The following ERBB4 variants were observed in gnomAD, a reference collection of about 807,000 sequenced individuals.
The protein encoded by ERBB4 is erb-b2 receptor tyrosine kinase 4, also known as receptor tyrosine-protein kinase erbB-4.
ERBB4 carries 42 observed loss-of-function variants against 158.0 expected under a neutral mutation model. That is an observed-to-expected ratio of 0.27 (90% confidence interval 0.21 to 0.34). ERBB4 has a LOEUF of 0.34. Ranked by LOEUF, ERBB4 falls within the 10% of genes least tolerant of loss-of-function variation. The pLI is 1.00. For synonymous variants in ERBB4, 583 were observed against 558.7 expected (o/e 1.04, Z -0.61); for missense variants, 1,333 against 1,624.1 (o/e 0.82, Z 3.08).
intron 2 of ERBB4, among the ~76,000 whole-genome samples, chr2:212,121,662 T>C (rs1184226474): frequency 9.2e-5 from 14 of 152,324 alleles, no homozygotes; most frequent in Non-Finnish European, 2.9e-5. Flanking sequence ...CAGTGGAGTA[T>C]TCTATTTCAC....
chr2:211,920,576 T>A (rs1347888), intron 3 of ERBB4, among the ~76,000 whole-genome samples: 152,101 of 152,134 alleles, frequency 1, 76,034 homozygotes, highest in Middle Eastern at 1. Flanking sequence ...CTTGACAAGA[T>A]TACTGCAAGA....
At chr2:211,999,700 A>G (rs1575494652) in intron 2 of ERBB4, among the ~76,000 whole-genome samples, 1 of 151,778 alleles carries the variant, frequency 6.6e-6, no homozygotes, top group South Asian at 2.1e-4. Context: ...TACAAATGGG[A>G]CATCTTGCTT....
intron 16 of ERBB4, among the ~76,000 whole-genome samples, chr2:211,641,243 G>A (rs2070574767): frequency 6.6e-6 from 1 of 151,918 alleles, no homozygotes; most frequent in Non-Finnish European, 1.5e-5. Context: ...GTGGCTAAAG[G>A]GGCTTTATTT....
chr2:212,006,383 T>C (rs953512136), intron 2 of ERBB4, among the ~76,000 whole-genome samples: 1 of 152,186 alleles, frequency 6.6e-6, no homozygotes, highest in East Asian at 1.9e-4. Flanking sequence ...TAAATTAAGG[T>C]TCACCTCAAC....
chr2:211,699,872 A>C (rs900969408), intron 12 of ERBB4, among the ~76,000 whole-genome samples: 1 of 152,126 alleles, frequency 6.6e-6, no homozygotes, highest in African/African-American at 2.4e-5. Flanking sequence ...ACATTATATA[A>C]TTTATTGAAA....
rs2068096337 is a variant in ERBB4, at chr2:211,581,293, T to A, written c.2302-19205A>T. Among the ~76,000 whole-genome samples the A allele has an allele frequency of 2.0e-5, 3 of 151,908 alleles. No individual in the cohort carries two copies. In the South Asian group the frequency reaches 6.2e-4, roughly 32 times the overall value. Reference sequence around the variant, plus strand: ...AATAAAACAATTAATATAGAAAAATTAAAAGTAAAAAATTTAAAAAAAGAA... The same window carrying A: ...AATAAAACAATTAATATAGAAAAATAAAAAGTAAAAAATTTAAAAAAAGAA... On this transcript the variant is annotated intron_variant, in intron 19 of 27. Coordinates refer to ENST00000342788, the MANE Select transcript of ERBB4 (RefSeq NM_005235.3).
intron 2 of ERBB4, among the ~76,000 whole-genome samples, chr2:211,967,911 C>T (rs1331615557): frequency 1.3e-5 from 2 of 151,488 alleles, no homozygotes; most frequent in African/African-American, 2.4e-5. Flanking sequence ...ATTTAGAATA[C>T]GATTATGTCT....
At chr2:211,388,069 A>C in intron 25 of ERBB4, 77 bp from the exon 26 acceptor site, 3 of 1,147,896 alleles carry the variant, frequency 2.6e-6, no homozygotes, top group Non-Finnish European at 3.9e-6. Context: ...AGAAACGAAA[A>C]AGAAAAGCCA....
intron 15 of ERBB4, 136 bp from the exon 16 acceptor site, chr2:211,657,964 G>C (rs181609648): frequency 6.2e-7 from 1 of 1,604,820 alleles, no homozygotes; most frequent in Non-Finnish European, 8.5e-7. Flanking sequence ...CCATCAGGCC[G>C]ATGCAGTCTT....
At chr2:212,397,383 G>C (rs2091060199) in intron 1 of ERBB4, among the ~76,000 whole-genome samples, 1 of 151,954 alleles carries the variant, frequency 6.6e-6, no homozygotes, top group African/African-American at 2.4e-5. Flanking sequence ...TGAGGCGAGA[G>C]TATCAGTTGA....
chr2:211,884,145 C>A (rs1207537420), intron 3 of ERBB4, among the ~76,000 whole-genome samples: 3 of 152,162 alleles, frequency 2.0e-5, no homozygotes, highest in Non-Finnish European at 4.4e-5. Flanking sequence ...CGTTTAAACA[C>A]CTGCATCTAA....
chr2:212,014,723 C>T (rs538880492), intron 2 of ERBB4, among the ~76,000 whole-genome samples: 1 of 152,102 alleles, frequency 6.6e-6, no homozygotes, highest in African/African-American at 2.4e-5. Flanking sequence ...AACCATTCTT[C>T]CTGTTTAAAA....
chr2:211,747,116 G>A (rs1263938396), intron 5 of ERBB4, among the ~76,000 whole-genome samples: 1 of 152,100 alleles, frequency 6.6e-6, no homozygotes, highest in African/African-American at 2.4e-5. Context: ...CTAAGTTATT[G>A]TAACCAGCAC....
At chr2:211,844,451 T>C (rs956883517) in intron 3 of ERBB4, among the ~76,000 whole-genome samples, 1 of 152,168 alleles carries the variant, frequency 6.6e-6, no homozygotes, top group Non-Finnish European at 1.5e-5. Flanking sequence ...ATATCTCAAC[T>C]CTGATAAATA....
At chr2:211,541,390 T>C (rs1233998402) in intron 20 of ERBB4, among the ~76,000 whole-genome samples, 4 of 152,008 alleles carry the variant, frequency 2.6e-5, no homozygotes, top group Non-Finnish European at 4.4e-5. Flanking sequence ...TATAGCTCTG[T>C]TATTTTAATA....
intron 3 of ERBB4, among the ~76,000 whole-genome samples, chr2:211,866,635 T>C (rs2078212569): frequency 6.6e-6 from 1 of 152,194 alleles, no homozygotes; most frequent in African/African-American, 2.4e-5. Context: ...ATGAAGATTT[T>C]AATAAACATT....
chr2:211,934,062 T>G (rs1235464464), intron 3 of ERBB4, among the ~76,000 whole-genome samples: 1 of 152,054 alleles, frequency 6.6e-6, no homozygotes, highest in Non-Finnish European at 1.5e-5. Context: ...TCAATAATTT[T>G]AGAGTCTCCT....
chr2:212,377,084 T>G (rs906540261), intron 1 of ERBB4, among the ~76,000 whole-genome samples: 1 of 151,718 alleles, frequency 6.6e-6, no homozygotes, highest in African/African-American at 2.4e-5. Flanking sequence ...GACATTGCCT[T>G]TGGTGCCACT....
chr2:212,214,857 G>A (rs1453508806), intron 1 of ERBB4, among the ~76,000 whole-genome samples: 1 of 151,576 alleles, frequency 6.6e-6, no homozygotes, highest in Non-Finnish European at 1.5e-5. Flanking sequence ...ACAACTCTAT[G>A]TTTATTAATG....
Sources: gnomAD v4.1 joint callset for allele counts (sites outside exome capture counted in the v4.1 genomes callset) on GRCh38, gnomAD v4.1.1 for gene constraint, MANE v1.5 for transcripts, NCBI Gene and HGNC (gene_info 2026-07-23, HGNC 2026-07-21) for gene names.